RIC1: variants seen among roughly 807,000 people sequenced by gnomAD.
RIC1 encodes the protein guanine nucleotide exchange factor subunit RIC1.
A neutral mutation model predicts 169.0 loss-of-function variants in RIC1; 88 were observed. The observed-to-expected ratio is 0.52, with a 90% confidence interval of 0.44 to 0.62. The LOEUF (loss-of-function observed/expected upper bound fraction) is 0.62. Ranked by LOEUF, RIC1 falls within the 20% of genes least tolerant of loss-of-function variation. RIC1 has a pLI of 0.00. For missense variants in RIC1, 1,877 were observed against 1,725.5 expected, an observed-to-expected ratio of 1.09 and a Z score of -1.56; for synonymous variants, 790 against 601.5, an observed-to-expected ratio of 1.31 and a Z score of -4.59.
downstream of RIC1, among the ~76,000 whole-genome samples, chr9:5,777,633 C>G (rs1451260766): frequency 1.3e-5 from 2 of 152,064 alleles, no homozygotes; most frequent in Non-Finnish European, 2.9e-5. Flanking sequence ...GTTATATCTC[C>G]TACATTTAGG....
chr9:5,693,152 G>A (rs917286897), intron 3 of RIC1, among the ~76,000 whole-genome samples: 33 of 152,060 alleles, frequency 2.2e-4, no homozygotes, highest in African/African-American at 7.7e-4. Context: ...AAGAATAGAG[G>A]CAGTATAATT....
At chr9:5,739,769 CA>C (rs1229262403) in intron 8 of RIC1, among the ~76,000 whole-genome samples, 1 of 149,654 alleles carries the variant, frequency 6.7e-6, no homozygotes. Flanking sequence ...TTTCTTCTGG[CA>C]AAAAAAAAGG....
chr9:5,691,868 T>C (rs1821608599), intron 3 of RIC1, among the ~76,000 whole-genome samples: 1 of 152,070 alleles, frequency 6.6e-6, no homozygotes, highest in Non-Finnish European at 1.5e-5. Context: ...ATTTTCTTTA[T>C]TTCAGTTCAC....
intron 6 of RIC1, among the ~76,000 whole-genome samples, chr9:5,729,154 A>G (rs1824198359): frequency 6.6e-6 from 1 of 152,174 alleles, no homozygotes. Context: ...GCGGGTCCAA[A>G]TTCAAGATGT....
intron 2 of RIC1, among the ~76,000 whole-genome samples, chr9:5,684,012 G>T (rs1464362636): frequency 1.3e-5 from 2 of 152,236 alleles, no homozygotes; most frequent in Non-Finnish European, 2.9e-5. Context: ...TATTAGGGTG[G>T]GAGTGACTCG....
At chr9:5,667,726 A>C (rs1427693100) in intron 2 of RIC1, among the ~76,000 whole-genome samples, 1 of 151,920 alleles carries the variant, frequency 6.6e-6, no homozygotes, top group Non-Finnish European at 1.5e-5. Context: ...GCTGGTCTCA[A>C]ACTCCTAGGC....
intron 2 of RIC1, among the ~76,000 whole-genome samples, chr9:5,688,802 A>T (rs1384981677): frequency 3.3e-5 from 5 of 152,176 alleles, no homozygotes; most frequent in Non-Finnish European, 7.4e-5. Flanking sequence ...CTTTGGTTCT[A>T]CTTTGAGTAC....
chr9:5,699,268 C>T (rs181680254), intron 3 of RIC1, among the ~76,000 whole-genome samples: 158 of 152,250 alleles, frequency 1.0e-3, no homozygotes, highest in African/African-American at 1.7e-3. Context: ...CAAAGATGTA[C>T]GCTTTGGGTG....
At chr9:5,677,219 T>C (rs1820503821) in intron 2 of RIC1, among the ~76,000 whole-genome samples, 1 of 152,228 alleles carries the variant, frequency 6.6e-6, no homozygotes, top group Non-Finnish European at 1.5e-5. Context: ...TTAGTCATTC[T>C]GGTAGTGGTG....
chr9:5,747,892 C>T (rs1486117354), intron 12 of RIC1, among the ~76,000 whole-genome samples: 2 of 152,158 alleles, frequency 1.3e-5, no homozygotes, highest in Non-Finnish European at 2.9e-5. Context: ...CTCTGTACAG[C>T]TGACCTTACA....
intron 3 of RIC1, among the ~76,000 whole-genome samples, chr9:5,695,451 C>T (rs1821832538): frequency 6.6e-6 from 1 of 152,112 alleles, no homozygotes; most frequent in South Asian, 2.1e-4. Flanking sequence ...CATCAATAGC[C>T]AGTCTATATC....
At chr9:5,667,156 C>T (rs956327635) in intron 2 of RIC1, among the ~76,000 whole-genome samples, 8 of 152,030 alleles carry the variant, frequency 5.3e-5, no homozygotes, top group Admixed American at 6.5e-5. Context: ...ATAATGCCAT[C>T]GCTACAAAAA....
intron 6 of RIC1, among the ~76,000 whole-genome samples, chr9:5,722,388 T>C (rs1246080237): frequency 6.7e-6 from 1 of 149,068 alleles, no homozygotes; most frequent in African/African-American, 2.5e-5. Flanking sequence ...TGTGTACCTA[T>C]GCAGTGTATG....
chr9:5,747,635 C>A, intron 12 of RIC1, 130 bp downstream of exon 12: 1 of 794,402 alleles, frequency 1.3e-6, no homozygotes, highest in Non-Finnish European at 2.0e-6. Flanking sequence ...TCATGTCCCT[C>A]TTCTGCTTTT....
intron 9 of RIC1, among the ~76,000 whole-genome samples, chr9:5,743,302 T>C (rs1054315979): frequency 1.3e-5 from 2 of 152,164 alleles, no homozygotes; most frequent in African/African-American, 4.8e-5. Flanking sequence ...AGGTAGTTTA[T>C]AATCTAATGA....
At chr9:5,729,373 C>A (rs1824214958) in intron 6 of RIC1, among the ~76,000 whole-genome samples, 1 of 152,148 alleles carries the variant, frequency 6.6e-6, no homozygotes, top group Admixed American at 6.5e-5. Context: ...TGAACCACTT[C>A]TACTACATTT....
At chr9:5,715,412 A>G (rs1001936743) in intron 4 of RIC1, among the ~76,000 whole-genome samples, 5 of 152,186 alleles carry the variant, frequency 3.3e-5, no homozygotes, top group Admixed American at 1.3e-4. Context: ...GTTTTAATCT[A>G]TGAATTTAGG....
At chr9:5,732,653 A>G (rs1824442091) in intron 7 of RIC1, among the ~76,000 whole-genome samples, 174 bp downstream of exon 7, 1 of 152,214 alleles carries the variant, frequency 6.6e-6, no homozygotes, top group South Asian at 2.1e-4. Flanking sequence ...GAAACAAACA[A>G]AAGTAAAGGG....
At chr9:5,734,532 T>A (rs1397215067) in intron 7 of RIC1, among the ~76,000 whole-genome samples, 7 of 152,244 alleles carry the variant, frequency 4.6e-5, no homozygotes. Context: ...ATAAAGTTTA[T>A]AATACCCTTT....
Sources: allele counts gnomAD v4.1 joint callset (sites outside exome capture counted in the v4.1 genomes callset), GRCh38; gene constraint gnomAD v4.1.1; transcripts MANE v1.5; gene names NCBI Gene and HGNC (gene_info 2026-07-23, HGNC 2026-07-21).